The following NPFFR2 variants were observed in gnomAD, a reference collection of about 807,000 sequenced individuals.
NPFFR2 encodes the protein neuropeptide FF receptor 2, also known as G-protein coupled receptor 74.
NPFFR2 carries 15 observed loss-of-function variants against 13.1 expected under a neutral mutation model. That is an observed-to-expected ratio of 1.15 (90% confidence interval 0.77 to 1.76). The LOEUF (loss-of-function observed/expected upper bound fraction) is 1.76. Among genes scored for constraint, NPFFR2 ranks in the 40% most tolerant of loss-of-function variants. The probability of loss-of-function intolerance (pLI) is 0.00; values close to 1 mark genes in which losing one functional copy is unlikely to be tolerated. For synonymous variants in NPFFR2, 190 were observed against 175.7 expected (o/e 1.08, Z -0.65); for missense variants, 572 against 503.5 (o/e 1.14, Z -1.30).
At chr4:72,086,970 G>C (rs28670442) in intron 1 of NPFFR2, among the ~76,000 whole-genome samples, 1 of 152,024 alleles carries the variant, frequency 6.6e-6, no homozygotes, top group Non-Finnish European at 1.5e-5. Flanking sequence ...TGTCAAGTCT[G>C]TAATATCTGC....
intron 3 of NPFFR2, among the ~76,000 whole-genome samples, chr4:72,142,327 C>T (rs1272156559): frequency 6.6e-6 from 1 of 152,036 alleles, no homozygotes; most frequent in East Asian, 1.9e-4. Flanking sequence ...TTTCCAGGTA[C>T]AGTCTGTCAT....
intron 3 of NPFFR2, 86 bp from the exon 4 acceptor site, chr4:72,146,892 G>T: frequency 1.2e-6 from 1 of 854,076 alleles, no homozygotes. Flanking sequence ...AGGGTGAGAG[G>T]CCTGTAACTA....
intron 1 of NPFFR2, among the ~76,000 whole-genome samples, chr4:72,079,416 A>G (rs1248162320): frequency 1.3e-5 from 2 of 152,160 alleles, no homozygotes; most frequent in African/African-American, 2.4e-5. Context: ...TTATTGCTTT[A>G]AAAACATATG....
intron 1 of NPFFR2, among the ~76,000 whole-genome samples, chr4:72,116,644 T>C (rs190136954): frequency 0.017 from 2,614 of 152,244 alleles, 260 homozygotes; most frequent in Admixed American, 0.16. Flanking sequence ...ACTGACACTA[T>C]AAAATTAAGA....
At chr4:72,145,235 CATTT>C (rs1287913880) in intron 3 of NPFFR2, among the ~76,000 whole-genome samples, 2 of 145,344 alleles carry the variant, frequency 1.4e-5, no homozygotes, top group Non-Finnish European at 3.0e-5. Context: ...CATATATGTA[CATTT>C]ATTAAACAAA....
intron 1 of NPFFR2, among the ~76,000 whole-genome samples, chr4:72,050,798 G>A (rs1412469654): frequency 7.3e-6 from 1 of 137,702 alleles, no homozygotes; most frequent in Non-Finnish European, 1.5e-5. Context: ...AGAGTGTGAT[G>A]TTCCCCTTCC....
At chr4:72,116,736 C>T (rs1197361161) in intron 1 of NPFFR2, among the ~76,000 whole-genome samples, 3 of 152,034 alleles carry the variant, frequency 2.0e-5, no homozygotes, top group East Asian at 1.9e-4. Flanking sequence ...TATGGGCATT[C>T]GTTTGATTAA....
intron 1 of NPFFR2, among the ~76,000 whole-genome samples, chr4:72,069,691 A>C (rs1037714031): frequency 6.6e-6 from 1 of 152,148 alleles, no homozygotes; most frequent in African/African-American, 2.4e-5. Context: ...TGTACAGAAT[A>C]TTTCTGCAAA....
In NPFFR2 at chr4:72,147,571, G is replaced by A. The variant is rs749148721; in HGVS notation, c.1022G>A (p.Arg341His). The change falls in exon 4 of 4, where the codon CGC (arginine) becomes CAC (histidine). Residue 341 changes from arginine to histidine, a missense_variant. By Grantham distance (29) the Arg-to-His change is conservative. Transcript: ENST00000308744. Reference protein sequence around the residue: ...IIYGFFNENFRRGFQEAFQLQ... With the variant: ...IIYGFFNENFHRGFQEAFQLQ... ...TATGGTTTCTTCAACGAGAATTTCC[G>A]CCGTGGTTTCCAAGAAGCTTTCCAG... The A allele has an allele frequency of 2.7e-5, 44 of 1,614,030 alleles. No individual in the cohort carries two copies. Among genetic ancestry groups the A allele is most frequent in the East Asian group, 8.9e-5 (4 of 44,890 alleles).
rs752968164 is a variant in NPFFR2, at chr4:72,147,204, T to A, written c.655T>A (p.Tyr219Asn). ...DWPNQEMRKI[Y>N]TTVLFANIYL... ...GCCAAATCAGGAAATGAGGAAGATC[T>A]ACACCACTGTGCTGTTTGCCAACAT... The change falls in exon 4 of 4, where the codon TAC (tyrosine) becomes AAC (asparagine). Residue 219 changes from tyrosine (Y) to asparagine (N), a missense_variant. Coordinates refer to ENST00000308744, the MANE Select transcript of NPFFR2 (RefSeq NM_004885.3). 17 of 1,614,192 alleles carry A rather than the reference T, an allele frequency of 1.1e-5. No homozygotes were observed. The East Asian group carries it at 3.8e-4, about 36-fold the overall frequency.
At chr4:72,101,557 T>G (rs1404662639) in intron 1 of NPFFR2, among the ~76,000 whole-genome samples, 1 of 151,526 alleles carries the variant, frequency 6.6e-6, no homozygotes, top group Non-Finnish European at 1.5e-5. Flanking sequence ...AAAATAAAAG[T>G]GATTTAGGAA....
At position 72,147,651 on chromosome 4, in the gene NPFFR2, A is replaced by G. The variant is rs753572703; in HGVS notation, c.1102A>G (p.Lys368Glu). Residue 368 changes from lysine to glutamate, a missense_variant, in exon 4 of 4, where the codon AAA becomes GAA. Coordinates refer to ENST00000308744, the MANE Select transcript of NPFFR2 (RefSeq NM_004885.3). ...KPMEAYALKA[K>E]SHVLINTSNQ... Reference sequence around the variant, plus strand: ...TATGGAAGCTTATGCCCTAAAAGCTAAAAGCCATGTGCTCATAAACACATC... The same window carrying G: ...TATGGAAGCTTATGCCCTAAAAGCTGAAAGCCATGTGCTCATAAACACATC... The G allele has an allele frequency of 1.9e-6, 3 of 1,614,038 alleles. No homozygotes were observed. The highest frequency in any genetic ancestry group is 1.6e-4 in the Middle Eastern group (1 of 6,084).
rs146742359 is a variant in NPFFR2, at chr4:72,083,171, C to T, written c.-7-45414C>T. Among the ~76,000 whole-genome samples, 814 of 152,222 alleles carry T rather than the reference C, an allele frequency of 5.3e-3. 3 individuals carry two copies. The highest frequency in any genetic ancestry group is 0.018 in the African/African-American group (744 of 41,536). On this transcript the variant is annotated intron_variant, in intron 1 of 3. Transcript: ENST00000308744. ...GAACACAGAAGTCCAGTTATCTCTT[C>T]GAGATACTGATTTAATTTCCTTTGA...
rs557682471 is a variant in NPFFR2, at chr4:72,121,375, C to T, written c.-7-7210C>T. ...TCCCCAACCTAGCAAGAAAGGCTGA[C>T]ATTCAAATTCAGGAAATACAGAGAA... On this transcript the variant is annotated intron_variant, in intron 1 of 3. Coordinates refer to ENST00000308744, the MANE Select transcript of NPFFR2 (RefSeq NM_004885.3). Among the ~76,000 whole-genome samples the T allele has an allele frequency of 5.9e-5, 9 of 152,236 alleles. No homozygotes were observed. In the South Asian group the frequency reaches 1.9e-3, roughly 32 times the overall value.
At position 72,147,010 on chromosome 4, in the gene NPFFR2, A is replaced by G; in HGVS notation, c.461A>G (p.Lys154Arg). Residue 154 changes from lysine to arginine, a missense_variant, in exon 4 of 4, where the codon AAG becomes AGG. By Grantham distance (26) the Lys-to-Arg change is conservative. Coordinates refer to ENST00000308744, the MANE Select transcript of NPFFR2 (RefSeq NM_004885.3). ...TGTGTGGTCTACCCTTTTAAACCAAAGCTCACTATCAAGACAGCGTTTGTC... is the reference window on the plus strand; with the variant it reads ...TGTGTGGTCTACCCTTTTAAACCAAGGCTCACTATCAAGACAGCGTTTGTC... The part of the protein sequence containing the change: ...FQCVVYPFKP[K>R]LTIKTAFVII... The G allele has an allele frequency of 1.2e-6, 2 of 1,613,888 alleles. No individual in the cohort carries two copies. Among genetic ancestry groups the G allele is most frequent in the Non-Finnish European group, 1.7e-6 (2 of 1,179,882 alleles).
At chr4:72,123,780 A>T (rs577228792) in intron 1 of NPFFR2, among the ~76,000 whole-genome samples, 1 of 152,332 alleles carries the variant, frequency 6.6e-6, no homozygotes, top group East Asian at 1.9e-4. Flanking sequence ...AATAAGAGCT[A>T]TTTATGACAA....
At chr4:72,115,440 C>T (rs570298440) in intron 1 of NPFFR2, among the ~76,000 whole-genome samples, 21 of 152,206 alleles carry the variant, frequency 1.4e-4, no homozygotes, top group East Asian at 3.9e-4. Flanking sequence ...GAAATATGTT[C>T]GCTGTGACTG....
intron 1 of NPFFR2, among the ~76,000 whole-genome samples, chr4:72,112,217 G>C (rs1721585341): frequency 1.3e-5 from 2 of 151,772 alleles, no homozygotes; most frequent in African/African-American, 4.8e-5. Context: ...ATAATAATTT[G>C]AGTGAACTTG....
intron 1 of NPFFR2, among the ~76,000 whole-genome samples, chr4:72,104,701 G>A (rs940472756): frequency 6.6e-6 from 1 of 151,960 alleles, no homozygotes; most frequent in Non-Finnish European, 1.5e-5. Context: ...CTTTCCAAAA[G>A]ATATAGGTGT....
Sources: allele counts gnomAD v4.1 joint callset (sites outside exome capture counted in the v4.1 genomes callset), GRCh38; gene constraint gnomAD v4.1.1; transcripts MANE v1.5; gene names NCBI Gene and HGNC (gene_info 2026-07-23, HGNC 2026-07-21).